Variants in PIAS1 observed in about 807,000 individuals in gnomAD.
The protein encoded by PIAS1 is E3 SUMO-protein ligase PIAS1.
In PIAS1, 6 loss-of-function variants were observed where a neutral mutation model predicts 71.3. The observed-to-expected ratio is 0.08, with a 90% CI of 0.05 to 0.17. The LOEUF (loss-of-function observed/expected upper bound fraction) is 0.17, where lower values mean the gene tolerates loss of function less well. PIAS1 is among the 10% of genes least tolerant of loss of function. The probability of loss-of-function intolerance (pLI) is 1.00; values close to 1 mark genes in which losing one functional copy is unlikely to be tolerated. For missense variants in PIAS1, 555 were observed against 793.6 expected (o/e 0.70, Z 3.61); for synonymous variants, 303 against 292.9 (o/e 1.03, Z -0.35).
intron 1 of PIAS1, among the ~76,000 whole-genome samples, chr15:68,076,375 C>T (rs1172368326): frequency 1.3e-5 from 2 of 151,940 alleles, no homozygotes; most frequent in Admixed American, 6.6e-5. Flanking sequence ...GGCATGGTGG[C>T]ATGCACCTGT....
intron 8 of PIAS1, among the ~76,000 whole-genome samples, chr15:68,166,901 C>G (rs2092960692): frequency 6.6e-6 from 1 of 152,330 alleles, no homozygotes; most frequent in East Asian, 1.9e-4. Flanking sequence ...TCTCAGGTCA[C>G]TGCAGCCTCC....
Position 68,145,902 on chromosome 15 carries a change from T to TTCC in PIAS1, c.690_692dup (p.Pro231dup). Reference sequence around the variant, plus strand: ...AAAGTGAATACAAAACCTTGCAGCCTTCCAGTAAGTCCTAAGAGCTGTTTT... The same window carrying TTCC: ...AAAGTGAATACAAAACCTTGCAGCCTTCCTCCAGTAAGTCCTAAGAGCTGTTTT... On this transcript the variant is annotated inframe_insertion, in exon 5 of 14. Transcript: ENST00000249636. The TTCC allele has an allele frequency of 6.3e-7, 1 of 1,587,586 alleles. No homozygotes were observed. Among genetic ancestry groups the TTCC allele is most frequent in the South Asian group, 1.1e-5 (1 of 90,466 alleles).
intron 2 of PIAS1, among the ~76,000 whole-genome samples, chr15:68,118,878 A>G (rs1048000255): frequency 6.6e-6 from 1 of 152,192 alleles, no homozygotes; most frequent in African/African-American, 2.4e-5. Flanking sequence ...AAGCTCTGTG[A>G]CATTGGTCTA....
chr15:68,147,233 C>CT (rs2092814037), intron 6 of PIAS1, among the ~76,000 whole-genome samples: 1 of 152,150 alleles, frequency 6.6e-6, no homozygotes, highest in Non-Finnish European at 1.5e-5. Flanking sequence ...TATTCTCTGA[C>CT]TTTCAGTGTT....
At chr15:68,147,581 A>G (rs1469609828) in intron 6 of PIAS1, among the ~76,000 whole-genome samples, 4 of 152,118 alleles carry the variant, frequency 2.6e-5, no homozygotes, top group African/African-American at 9.7e-5. Context: ...CGTATAGCCA[A>G]AACTTAACCA....
rs2092774065 is a variant in PIAS1, at chr15:68,142,017, A to G, written c.541A>G (p.Ile181Val). The G allele has an allele frequency of 8.7e-6, 14 of 1,600,416 alleles. No individual in the cohort carries two copies. The highest frequency in any genetic ancestry group is 1.1e-5 in the South Asian group (1 of 88,842). ...FALTPQQVQQ[I>V]SSSMDISGTK... ...CTTGACACCACAACAAGTGCAGCAA[A>G]TCAGTAGTTCCATGTAAGTTGTCGT... The change falls in exon 3 of 14, where the codon ATC (isoleucine) becomes GTC (valine). Residue 181 changes from isoleucine to valine, a missense_variant. This residue lies in a region of PIAS1 where 134 missense variants were observed against 203.4 expected (regional missense o/e 0.66). Coordinates refer to ENST00000249636, the MANE Select transcript of PIAS1 (RefSeq NM_016166.3).
intron 4 of PIAS1, among the ~76,000 whole-genome samples, 153 bp from the exon 5 acceptor site, chr15:68,145,663 A>G (rs1046477369): frequency 6.6e-6 from 1 of 152,172 alleles, no homozygotes; most frequent in Non-Finnish European, 1.5e-5. Flanking sequence ...ACCTATTTAC[A>G]TATACTTATT....
intron 1 of PIAS1, among the ~76,000 whole-genome samples, chr15:68,062,260 T>TA: frequency 6.6e-6 from 1 of 152,296 alleles, no homozygotes; most frequent in African/African-American, 2.4e-5. Flanking sequence ...GTAAATAGGG[T>TA]AAAAATGGAA....
In PIAS1 at chr15:68,178,492, A is replaced by G. The variant is rs1189132930; in HGVS notation, c.1481+1838A>G. Among the ~76,000 whole-genome samples, 2 of 152,208 alleles carry G rather than the reference A, an allele frequency of 1.3e-5. No individual in the cohort carries two copies. Among genetic ancestry groups the G allele is most frequent in the African/African-American group, 4.8e-5 (2 of 41,458 alleles). ...CAAGCCTGACCTTGTTATTACACCA[A>G]TGTATTTTATGTCTGAGTAGGAGAA... On this transcript the variant is annotated intron_variant, in intron 11 of 13. Transcript: ENST00000249636. The surrounding 1 kb of genome is among the most constrained non-coding windows in gnomAD (Gnocchi z 4.2).
At chr15:68,159,840 A>T (rs1042370003) in intron 7 of PIAS1, among the ~76,000 whole-genome samples, 2 of 152,110 alleles carry the variant, frequency 1.3e-5, no homozygotes, top group Non-Finnish European at 2.9e-5. Flanking sequence ...TCTTGGGTAA[A>T]TACCTAGGAG....
chr15:68,151,350 A>G (rs552940919), intron 6 of PIAS1, among the ~76,000 whole-genome samples: 106 of 152,074 alleles, frequency 7.0e-4, no homozygotes, highest in Admixed American at 9.2e-4. Context: ...AACTTGTTGC[A>G]GTTTCTGCTT....
intron 11 of PIAS1, among the ~76,000 whole-genome samples, chr15:68,177,304 A>G (rs1490586589): frequency 3.3e-5 from 5 of 151,758 alleles, no homozygotes; most frequent in Non-Finnish European, 1.5e-5. Context: ...AAAAGAAAGA[A>G]AAAATTTGTA....
intron 2 of PIAS1, among the ~76,000 whole-genome samples, chr15:68,110,778 T>A (rs374871715): frequency 4.6e-4 from 70 of 152,100 alleles, no homozygotes; most frequent in African/African-American, 1.6e-3. Context: ...AAATTCTATG[T>A]AGTTGCAGTT....
intron 8 of PIAS1, among the ~76,000 whole-genome samples, chr15:68,170,292 A>G (rs1246433835): frequency 6.6e-6 from 1 of 152,200 alleles, no homozygotes; most frequent in Non-Finnish European, 1.5e-5. Context: ...CCTAGATGGT[A>G]TAGCTTACTA....
chr15:68,059,922 C>T (rs2091939641), intron 1 of PIAS1, among the ~76,000 whole-genome samples: 1 of 151,934 alleles, frequency 6.6e-6, no homozygotes, highest in South Asian at 2.1e-4. Flanking sequence ...TGCACCCACT[C>T]TACAAAATTA....
chr15:68,142,028 C>T lies in PIAS1; in HGVS notation c.552C>T (p.Ser184=). ...TPQQVQQISS[S]MDISGTKCDF... is the part of the protein sequence containing the mutation. ...AACAAGTGCAGCAAATCAGTAGTTC[C>T]ATGTAAGTTGTCGTCAAGTGTAACT... The change falls in exon 3 of 14, where the codon TCC becomes TCT. Residue 184 remains serine (S), a splice_region_variant and synonymous_variant. Coordinates refer to ENST00000249636, the MANE Select transcript of PIAS1 (RefSeq NM_016166.3). 1 of 1,594,148 alleles carries T rather than the reference C, an allele frequency of 6.3e-7. No individual in the cohort carries two copies. Among genetic ancestry groups the T allele is most frequent in the Non-Finnish European group, 8.6e-7 (1 of 1,167,346 alleles).
At chr15:68,144,227 G>A (rs969495135) in intron 4 of PIAS1, among the ~76,000 whole-genome samples, 4 of 151,878 alleles carry the variant, frequency 2.6e-5, no homozygotes, top group Non-Finnish European at 5.9e-5. Context: ...ACGTTGCTAG[G>A]TCTGCAACCA....
rs1213804258 is a variant in PIAS1 at position 68,186,281 on chromosome 15, T to C, written c.1663-1261T>C. Among the ~76,000 whole-genome samples the C allele has an allele frequency of 2.6e-5, 4 of 152,182 alleles. No individual in the cohort carries two copies. The highest frequency in any genetic ancestry group is 9.6e-5 in the African/African-American group (4 of 41,452). On this transcript the variant is annotated intron_variant, in intron 13 of 13. Transcript: ENST00000249636. The surrounding 1 kb of genome is among the most constrained non-coding windows in gnomAD (Gnocchi z 4.4). ...GTGACATCGATGACCCTGACCTCCC[T>C]GTGTAGGCCTAGGCTAATGTGTTGT...
At chr15:68,129,380 A>T (rs1567054898) in intron 2 of PIAS1, among the ~76,000 whole-genome samples, 1 of 152,150 alleles carries the variant, frequency 6.6e-6, no homozygotes, top group Non-Finnish European at 1.5e-5. Flanking sequence ...GTTACTTTTC[A>T]AGTGTCTGCA....
Sources: gnomAD v4.1 joint callset for allele counts (sites outside exome capture counted in the v4.1 genomes callset) on GRCh38, gnomAD v4.1.1 for gene constraint, gnomAD v4.1.1 regional missense constraint, Gnocchi (gnomAD v3.1) non-coding constraint, MANE v1.5 for transcripts, NCBI Gene and HGNC (gene_info 2026-07-23, HGNC 2026-07-21) for gene names.